Variants in RABGAP1L observed in about 807,000 individuals in gnomAD.
RABGAP1L encodes the protein rab GTPase-activating protein 1-like.
Under a neutral mutation model 137.7 loss-of-function variants are expected in RABGAP1L, and 63 were observed. The ratio of observed to expected loss-of-function variants is 0.46; its 90% CI spans 0.37 to 0.56. The LOEUF (loss-of-function observed/expected upper bound fraction) is 0.56, where lower values mean the gene tolerates loss of function less well. RABGAP1L is among the 20% of genes least tolerant of loss of function. The pLI is 0.00. For missense variants in RABGAP1L, 1,095 were observed against 1,244.0 expected, an observed-to-expected ratio of 0.88 and a Z score of 1.80; for synonymous variants, 431 against 433.7, an observed-to-expected ratio of 0.99 and a Z score of 0.08.
At chr1:174,837,838 G>T (rs926186124) in intron 19 of RABGAP1L, among the ~76,000 whole-genome samples, 3 of 152,156 alleles carry the variant, frequency 2.0e-5, no homozygotes, top group African/African-American at 7.2e-5. Flanking sequence ...GTTATGAGCA[G>T]ACCTAAATTC....
At chr1:174,645,996 T>A (rs1363999861) in intron 14 of RABGAP1L, among the ~76,000 whole-genome samples, 1 of 152,216 alleles carries the variant, frequency 6.6e-6, no homozygotes, top group Non-Finnish European at 1.5e-5. Context: ...GTTGGCCACA[T>A]ACATATCTTC....
In RABGAP1L at chr1:174,644,452, G is replaced by A. The variant is rs192306617; in HGVS notation, c.1824+6964G>A. ...CTTAGAATAAAGGGATTGGTGTGAC[G>A]CCTAAGGGTTTGATTATAGTCACTC... On this transcript the variant is annotated intron_variant, in intron 14 of 25. Coordinates refer to ENST00000681986, the MANE Select transcript of RABGAP1L (RefSeq NM_001366446.1). Among the ~76,000 whole-genome samples, 176 of 151,890 alleles carry A rather than the reference G, an allele frequency of 1.2e-3. 1 individual carries two copies. Among genetic ancestry groups the A allele is most frequent in the Middle Eastern group, 0.01 (3 of 292 alleles).
chr1:174,902,905 T>G (rs568633971), intron 19 of RABGAP1L, among the ~76,000 whole-genome samples: 7 of 152,258 alleles, frequency 4.6e-5, no homozygotes, highest in Non-Finnish European at 7.4e-5. Context: ...TCTCCATGAG[T>G]GTAATGGACC....
intron 11 of RABGAP1L, among the ~76,000 whole-genome samples, chr1:174,351,320 T>C (rs1015808892): frequency 1.9e-4 from 29 of 152,226 alleles, no homozygotes; most frequent in African/African-American, 6.8e-4. Context: ...TTCCTTCAGA[T>C]TGAAGAACTC....
intron 19 of RABGAP1L, among the ~76,000 whole-genome samples, chr1:174,941,964 G>A (rs1338522500): frequency 6.6e-6 from 1 of 152,212 alleles, no homozygotes; most frequent in Non-Finnish European, 1.5e-5. Context: ...ATGTGGCATA[G>A]TGTCTTGTAC....
rs186784529 is a variant in RABGAP1L, at chr1:174,211,214, T to C, written c.-33-7911T>C. On this transcript the variant is annotated intron_variant, in intron 1 of 25. Transcript: ENST00000681986. The stretch of plus-strand genomic sequence containing the variant: ...GAGTATGGTAACAGTAACTGTGGTG[T>C]GTAAACTACTCTTGTCCTAAGTAGA... Among the ~76,000 whole-genome samples, 238 of 152,280 alleles carry C rather than the reference T, an allele frequency of 1.6e-3. 1 individual carries two copies. Among genetic ancestry groups the C allele is most frequent in the Non-Finnish European group, 2.9e-3 (197 of 68,000 alleles).
chr1:174,980,254 A>G (rs1415391975), intron 23 of RABGAP1L, among the ~76,000 whole-genome samples: 1 of 152,166 alleles, frequency 6.6e-6, no homozygotes, highest in Non-Finnish European at 1.5e-5. Context: ...ATATTCACGG[A>G]CGATTGATAA....
intron 11 of RABGAP1L, among the ~76,000 whole-genome samples, chr1:174,312,330 C>G (rs1351152075): frequency 1.3e-5 from 2 of 152,062 alleles, no homozygotes; most frequent in African/African-American, 4.8e-5. Flanking sequence ...ATTTGCATTT[C>G]CCTGATGATC....
rs551491604 is a variant in RABGAP1L, at chr1:174,925,587, T to C, written c.2341-31870T>C. On this transcript the variant is annotated intron_variant, in intron 19 of 25. Transcript: ENST00000681986. ...CAAGGCATTTGGTCTGTAATTCTTTTATGATTTGTGCTTTTGGTCTTGATT... is the reference window on the plus strand; with the variant it reads ...CAAGGCATTTGGTCTGTAATTCTTTCATGATTTGTGCTTTTGGTCTTGATT... 9.2e-5 allele frequency among the ~76,000 whole-genome samples: 14 copies of C among 152,078 alleles called. No individual in the cohort carries two copies. The East Asian group carries it at 2.1e-3, about 23-fold the overall frequency.
In RABGAP1L at chr1:174,376,807, C is replaced by G. The variant is rs530074502; in HGVS notation, c.1559+5735C>G. ...ACTGGGAATAAGGTAGGGATATCTACTCTCATGACTCTTACTCAACTTAGT... is the reference window on the plus strand; with the variant it reads ...ACTGGGAATAAGGTAGGGATATCTAGTCTCATGACTCTTACTCAACTTAGT... On this transcript the variant is annotated intron_variant, in intron 12 of 25. Coordinates refer to ENST00000681986, the MANE Select transcript of RABGAP1L (RefSeq NM_001366446.1). 7.9e-5 allele frequency among the ~76,000 whole-genome samples: 12 copies of G among 152,288 alleles called. No individual in the cohort carries two copies. In the South Asian group the frequency reaches 2.5e-3, roughly 32 times the overall value.
intron 13 of RABGAP1L, among the ~76,000 whole-genome samples, chr1:174,481,892 AG>A (rs1272833261): frequency 1.4e-5 from 2 of 147,528 alleles, no homozygotes; most frequent in African/African-American, 5.2e-5. Context: ...AAAAAAAAAA[AG>A]AAAAAAAAAG....
At chr1:174,211,871 TAGAAG>T (rs1668918901) in intron 1 of RABGAP1L, among the ~76,000 whole-genome samples, 2 of 152,062 alleles carry the variant, frequency 1.3e-5, no homozygotes, top group Admixed American at 6.6e-5. Context: ...CAAAAACTAT[TAGAAG>T]AGACAAAGAA....
intron 17 of RABGAP1L, among the ~76,000 whole-genome samples, chr1:174,739,574 A>G (rs373677169): frequency 9.2e-5 from 14 of 152,160 alleles, no homozygotes; most frequent in African/African-American, 3.1e-4. Flanking sequence ...AGAAATTTCT[A>G]TTTATTTGAC....
chr1:174,902,983 G>A (rs907274669), intron 19 of RABGAP1L, among the ~76,000 whole-genome samples: 6 of 152,216 alleles, frequency 3.9e-5, no homozygotes, highest in African/African-American at 1.2e-4. Flanking sequence ...GGAAACTAAG[G>A]TTATGGGAAG....
intron 12 of RABGAP1L, among the ~76,000 whole-genome samples, chr1:174,386,565 T>C (rs1325926943): frequency 6.6e-6 from 1 of 151,702 alleles, no homozygotes; most frequent in Non-Finnish European, 1.5e-5. Context: ...TGGAGTGCAA[T>C]GGGGCGATCT....
intron 13 of RABGAP1L, among the ~76,000 whole-genome samples, chr1:174,552,873 C>A (rs532783669): frequency 1.3e-5 from 2 of 152,340 alleles, no homozygotes; most frequent in East Asian, 3.9e-4. Context: ...GTCTCCATAA[C>A]CTCACCAGCA....
At chr1:174,672,725 C>T (rs1187434350) in intron 14 of RABGAP1L, among the ~76,000 whole-genome samples, 1 of 151,562 alleles carries the variant, frequency 6.6e-6, no homozygotes, top group Non-Finnish European at 1.5e-5. Context: ...ATTGATTGTT[C>T]AGGAGCATGC....
intron 19 of RABGAP1L, among the ~76,000 whole-genome samples, chr1:174,839,235 A>G (rs1014303061): frequency 2.6e-5 from 4 of 152,132 alleles, no homozygotes; most frequent in East Asian, 1.9e-4. Context: ...TGGTTAAACT[A>G]CTTTCCATGA....
At chr1:174,859,482 C>CAA (rs35464065) in intron 19 of RABGAP1L, among the ~76,000 whole-genome samples, 45 of 133,748 alleles carry the variant, frequency 3.4e-4, no homozygotes, top group African/African-American at 8.8e-4. Context: ...GACTCCATCT[C>CAA]AAAAAAAAAG....
Sources: allele counts gnomAD v4.1 joint callset (sites outside exome capture counted in the v4.1 genomes callset), GRCh38; gene constraint gnomAD v4.1.1; transcripts MANE v1.5; gene names NCBI Gene and HGNC (gene_info 2026-07-23, HGNC 2026-07-21).